CNOT9: variants seen among roughly 807,000 people sequenced by gnomAD.
CNOT9 encodes CCR4-NOT transcription complex subunit 9.
In CNOT9, 8 loss-of-function variants were observed where a neutral mutation model predicts 37.4. That is an observed-to-expected ratio of 0.21 (90% CI 0.13 to 0.39). The LOEUF (loss-of-function observed/expected upper bound fraction) is 0.39. Among genes scored for constraint, CNOT9 ranks in the 10% least tolerant of loss-of-function variants. The pLI is 1.00. For missense variants in CNOT9, 154 were observed against 365.3 expected, an observed-to-expected ratio of 0.42 and a Z score of 4.71; for synonymous variants, 120 against 137.6, an observed-to-expected ratio of 0.87 and a Z score of 0.90.
Position 218,568,922 on chromosome 2 carries a change from C to T in CNOT9, c.-33C>T, listed in dbSNP as rs767881491. ...AGGGGGGACGCGGGTCGGACGCGTC[C>T]GGCTGTGGAAGAGAGCGGCGGCCGC... On this transcript the variant is annotated 5_prime_UTR_variant, in exon 1 of 8. Transcript: ENST00000273064. 17 of 1,603,736 alleles carry T rather than the reference C, an allele frequency of 1.1e-5. No homozygotes were observed. Among genetic ancestry groups the T allele is most frequent in the African/African-American group, 1.3e-5 (1 of 74,626 alleles).
chr2:218,596,267 G>A lies in CNOT9; in HGVS notation c.*1991G>A, dbSNP rs756745937. ...TCCCATCTATTCTCAGCTGGCCTTG[G>A]AACCCACATAGGAGTTGGTGGGGGA... On this transcript the variant is annotated 3_prime_UTR_variant, in exon 8 of 8. Coordinates refer to ENST00000273064, the MANE Select transcript of CNOT9 (RefSeq NM_005444.3). 2.0e-5 allele frequency: 3 copies of A among 152,146 alleles called. No individual in the cohort carries two copies. Among genetic ancestry groups the A allele is most frequent in the Admixed American group, 1.3e-4 (2 of 15,242 alleles). 9.4% of individuals were successfully genotyped at this position (152,146 alleles called of 1,614,324 possible). A position where few individuals can be genotyped will look rare whatever the true frequency, so the allele number is the denominator to read the frequency against.
At chr2:218,584,747 G>A in intron 4 of CNOT9, 26 bp downstream of exon 4, 1 of 1,493,394 alleles carries the variant, frequency 6.7e-7, no homozygotes, top group East Asian at 2.3e-5. Context: ...TGTTTTGCAA[G>A]CCTGAAATAC....
chr2:218,588,588 C>CTTTTTTTTTTTTTTT lies in CNOT9; in HGVS notation c.540+905_540+919dup, dbSNP rs1172484260. Among the ~76,000 whole-genome samples, 62 of 33,452 alleles carry CTTTTTTTTTTTTTTT rather than the reference C, an allele frequency of 1.9e-3. 17 individuals carry two copies. Among genetic ancestry groups the CTTTTTTTTTTTTTTT allele is most frequent in the East Asian group, 8.7e-3 (7 of 804 alleles). The allele number at this position is 33,452 out of a possible 152,430, so 21.9% of individuals were successfully genotyped here. ...ACAGTCATGAGCCACTCCACCCGGC[C>CTTTTTTTTTTTTTTT]TTTTTTTTTTTTTTTTTTTTTTTTT... On this transcript the variant is annotated intron_variant, in intron 5 of 7. Coordinates refer to ENST00000273064, the MANE Select transcript of CNOT9 (RefSeq NM_005444.3).
At chr2:218,574,961 T>A (rs77001572) in intron 1 of CNOT9, among the ~76,000 whole-genome samples, 41 of 151,996 alleles carry the variant, frequency 2.7e-4, no homozygotes, top group Middle Eastern at 3.4e-3. Context: ...GTTTTTTTTT[T>A]AAAAAAAGAG....
chr2:218,578,009 G>A (rs1280595941), intron 1 of CNOT9, among the ~76,000 whole-genome samples: 3 of 152,182 alleles, frequency 2.0e-5, no homozygotes, highest in Admixed American at 6.5e-5. Flanking sequence ...CTATCTTCAG[G>A]TAGGAATTAC....
chr2:218,582,651 C>T (rs1694432306), intron 2 of CNOT9, among the ~76,000 whole-genome samples: 1 of 151,864 alleles, frequency 6.6e-6, no homozygotes, highest in South Asian at 2.1e-4. Context: ...GATCGTGCCA[C>T]TGCACTCCAG....
intron 1 of CNOT9, among the ~76,000 whole-genome samples, chr2:218,575,330 C>T (rs1003639561): frequency 6.6e-6 from 1 of 150,596 alleles, no homozygotes; most frequent in Non-Finnish European, 1.5e-5. Context: ...CGTGTTTTTG[C>T]AGTTGTGTAT....
intron 1 of CNOT9, among the ~76,000 whole-genome samples, chr2:218,571,429 AAG>A (rs968222329): frequency 2.6e-5 from 4 of 152,134 alleles, no homozygotes; most frequent in South Asian, 2.1e-4. Flanking sequence ...TTTGTCTATT[AAG>A]AGAGAGAGAG....
intron 4 of CNOT9, among the ~76,000 whole-genome samples, chr2:218,585,644 T>TA (rs1186213319): frequency 2.9e-4 from 43 of 146,144 alleles, no homozygotes; most frequent in South Asian, 8.7e-4. Flanking sequence ...TTTTATTTTT[T>TA]TTTTTTTTTT....
At chr2:218,585,658 A>G (rs1398477430) in intron 4 of CNOT9, among the ~76,000 whole-genome samples, 1 of 114,692 alleles carries the variant, frequency 8.7e-6, no homozygotes, top group Admixed American at 8.3e-5. Flanking sequence ...TTTTTTTTTG[A>G]GACAAGGTCT....
At chr2:218,573,224 A>C (rs4411687) in intron 1 of CNOT9, among the ~76,000 whole-genome samples, 91,868 of 151,624 alleles carry the variant, frequency 0.61, 28,035 homozygotes, top group East Asian at 0.78. Flanking sequence ...AGGCTGAGGC[A>C]GGACAATCGC....
chr2:218,569,125 C>T, intron 1 of CNOT9, 147 bp downstream of exon 1: 1 of 869,554 alleles, frequency 1.2e-6, no homozygotes, highest in Non-Finnish European at 1.8e-6. Context: ...CCTCGGCACG[C>T]TTTGGTTGTG....
At position 218,570,730 on chromosome 2, in the gene CNOT9, C is replaced by T. The variant is rs549161177; in HGVS notation, c.24+1752C>T. Among the ~76,000 whole-genome samples the T allele has an allele frequency of 6.6e-5, 10 of 152,330 alleles. No homozygotes were observed. The South Asian group carries it at 2.1e-3, about 32-fold the overall frequency. ...TCTTTTCCCTGTGCCTTCCCAAACT[C>T]TGTAGCTATTCCTTTTATTTTCAAT... On this transcript the variant is annotated intron_variant, in intron 1 of 7. Transcript: ENST00000273064.
intron 1 of CNOT9, among the ~76,000 whole-genome samples, chr2:218,571,693 T>A (rs1693998286): frequency 6.7e-6 from 1 of 150,336 alleles, no homozygotes; most frequent in South Asian, 2.1e-4. Context: ...TGCCTCAACC[T>A]CCCAAGTAGC....
chr2:218,578,906 T>C (rs1694269252), intron 1 of CNOT9, among the ~76,000 whole-genome samples: 1 of 152,230 alleles, frequency 6.6e-6, no homozygotes, highest in Non-Finnish European at 1.5e-5. Flanking sequence ...TGTGATTCTT[T>C]AGCATAATAA....
At chr2:218,590,056 T>G (rs1309189929) in intron 5 of CNOT9, among the ~76,000 whole-genome samples, 1 of 21,702 alleles carries the variant, frequency 4.6e-5, no homozygotes, top group African/African-American at 2.1e-4. Context: ...TTTTTTCTGT[T>G]TTTTTTTTTG....
At chr2:218,585,999 A>G (rs1000990083) in intron 4 of CNOT9, among the ~76,000 whole-genome samples, 9 of 152,188 alleles carry the variant, frequency 5.9e-5, no homozygotes, top group African/African-American at 2.2e-4. Context: ...TTGGGTATAA[A>G]TCTTTAAAAA....
At chr2:218,581,520 A>G (rs1035422275) in intron 2 of CNOT9, among the ~76,000 whole-genome samples, 1 of 152,114 alleles carries the variant, frequency 6.6e-6, no homozygotes, top group Non-Finnish European at 1.5e-5. Flanking sequence ...AGGTGGGTAC[A>G]CTTGTACATT....
At chr2:218,581,156 T>G (rs1694361123) in intron 2 of CNOT9, 1 of 296,228 alleles carries the variant, frequency 3.4e-6, no homozygotes, top group Non-Finnish European at 7.0e-6. Context: ...TTTTGGGTTT[T>G]TTTGTTTGTT....
Sources: gnomAD v4.1 joint callset for allele counts (sites outside exome capture counted in the v4.1 genomes callset) on GRCh38, gnomAD v4.1.1 for gene constraint, MANE v1.5 for transcripts, NCBI Gene and HGNC (gene_info 2026-07-23, HGNC 2026-07-21) for gene names.